The following FHIT variants were observed in gnomAD, a reference collection of about 807,000 sequenced individuals.
FHIT encodes fragile histidine triad diadenosine triphosphatase.
In FHIT, 19 loss-of-function variants were observed where a neutral mutation model predicts 17.9. The ratio of observed to expected loss-of-function variants is 1.06; its 90% confidence interval spans 0.74 to 1.56. FHIT has a LOEUF of 1.56. FHIT is among the 40% of genes most tolerant of loss of function. The pLI, the probability that FHIT is intolerant of heterozygous loss-of-function variation, is 0.00. For missense variants in FHIT, 248 were observed against 189.2 expected (o/e 1.31, Z -1.82); for synonymous variants, 81 against 69.7 (o/e 1.16, Z -0.81).
chr3:61,239,217 A>C (rs932288422), intron 1 of FHIT, among the ~76,000 whole-genome samples: 5 of 152,186 alleles, frequency 3.3e-5, no homozygotes, highest in Non-Finnish European at 7.3e-5. Flanking sequence ...CAGGAGCATT[A>C]CCCATGGGAA....
At chr3:61,201,147 G>A (rs147195593) in intron 1 of FHIT, among the ~76,000 whole-genome samples, 11 of 152,128 alleles carry the variant, frequency 7.2e-5, no homozygotes, top group African/African-American at 1.7e-4. Flanking sequence ...CACTTGCTCC[G>A]TAAGTATATG....
chr3:60,296,439 C>T (rs917168852), intron 5 of FHIT, among the ~76,000 whole-genome samples: 4 of 152,100 alleles, frequency 2.6e-5, no homozygotes, highest in African/African-American at 9.7e-5. Flanking sequence ...TGTAGAACAT[C>T]TTTTTGTGTG....
chr3:60,310,072 G>T (rs1385579105), intron 5 of FHIT, among the ~76,000 whole-genome samples: 1 of 152,026 alleles, frequency 6.6e-6, no homozygotes, highest in Non-Finnish European at 1.5e-5. Context: ...GAGCAGGCAG[G>T]CAAGAAAGCA....
rs1438666364 is a variant in FHIT, at chr3:60,677,425, G to GT, written c.-17-140447dup. Among the ~76,000 whole-genome samples the GT allele has an allele frequency of 3.9e-5, 6 of 152,196 alleles. No individual in the cohort carries two copies. The East Asian group carries it at 1.2e-3, about 29-fold the overall frequency. On this transcript the variant is annotated intron_variant, in intron 4 of 9. Transcript: ENST00000492590. The stretch of plus-strand genomic sequence containing the variant: ...ATGTGGTATTTCACTATGTTTCTGA[G>GT]TTTTTTCACTTAAGATAATGACCTC...
At chr3:59,783,277 T>G (rs964618995) in intron 8 of FHIT, among the ~76,000 whole-genome samples, 1 of 152,184 alleles carries the variant, frequency 6.6e-6, no homozygotes, top group Admixed American at 6.5e-5. Context: ...GAGACCATCC[T>G]GGCCAACATG....
intron 4 of FHIT, among the ~76,000 whole-genome samples, chr3:60,567,423 A>C (rs1260503454): frequency 3.3e-5 from 5 of 152,226 alleles, no homozygotes; most frequent in Non-Finnish European, 5.9e-5. Context: ...CTGAAACTGG[A>C]TCCCTTCCTT....
At chr3:59,768,610 G>A (rs1701918428) in intron 8 of FHIT, among the ~76,000 whole-genome samples, 1 of 152,098 alleles carries the variant, frequency 6.6e-6, no homozygotes, top group Non-Finnish European at 1.5e-5. Context: ...TCTTTTCTTT[G>A]ACTTCCCAGA....
chr3:61,089,978 T>C (rs2035429073), intron 2 of FHIT, among the ~76,000 whole-genome samples: 1 of 152,238 alleles, frequency 6.6e-6, no homozygotes. Flanking sequence ...CAGTGGTTCC[T>C]AAAAGCCAAT....
chr3:61,068,157 A>AAC (rs2034676684), intron 2 of FHIT, among the ~76,000 whole-genome samples: 1 of 152,214 alleles, frequency 6.6e-6, no homozygotes, highest in Non-Finnish European at 1.5e-5. Flanking sequence ...GGCTTAAAAC[A>AAC]ACACAAATTC....
intron 5 of FHIT, among the ~76,000 whole-genome samples, chr3:60,197,127 C>T (rs1188114340): frequency 6.6e-6 from 1 of 152,180 alleles, no homozygotes; most frequent in Non-Finnish European, 1.5e-5. Context: ...GCATACTTAA[C>T]ATGCATTTAA....
intron 5 of FHIT, among the ~76,000 whole-genome samples, chr3:60,081,643 A>G (rs1703288213): frequency 6.6e-6 from 1 of 152,198 alleles, no homozygotes; most frequent in Non-Finnish European, 1.5e-5. Flanking sequence ...AATGACAATA[A>G]TAAATGTAGG....
intron 5 of FHIT, among the ~76,000 whole-genome samples, chr3:60,495,159 G>A (rs1228695040): frequency 3.9e-5 from 6 of 151,978 alleles, no homozygotes; most frequent in South Asian, 2.1e-4. Context: ...TTGGATATAA[G>A]CCATTTTAAC....
At chr3:60,139,959 T>C (rs1699969486) in intron 5 of FHIT, among the ~76,000 whole-genome samples, 1 of 151,974 alleles carries the variant, frequency 6.6e-6, no homozygotes, top group Non-Finnish European at 1.5e-5. Context: ...CTGTCTCTAC[T>C]AAAAATACAA....
intron 5 of FHIT, among the ~76,000 whole-genome samples, chr3:60,447,670 A>G (rs185300295): frequency 6.6e-6 from 1 of 152,290 alleles, no homozygotes; most frequent in Non-Finnish European, 1.5e-5. Context: ...ATAATAAAAA[A>G]AATCACAAGA....
chr3:60,285,500 G>T lies in FHIT; in HGVS notation c.103+251360C>A, dbSNP rs183117702. ...CTTAATCTTCATAAAGCCTGTGATG[G>T]ATTTTTCACTTGTCTACTTGGCTAA... On this transcript the variant is annotated intron_variant, in intron 5 of 9. Transcript: ENST00000492590. Among the ~76,000 whole-genome samples the T allele has an allele frequency of 2.4e-3, 371 of 152,244 alleles. 3 individuals carry two copies. Among genetic ancestry groups the T allele is most frequent in the Non-Finnish European group, 3.9e-3 (264 of 68,020 alleles).
At chr3:59,788,881 G>GTTTTTTTTTTTTTTTTTTT (rs60361063) in intron 8 of FHIT, among the ~76,000 whole-genome samples, 27,635 of 86,686 alleles carry the variant, frequency 0.32, 9,303 homozygotes, top group East Asian at 0.41. Flanking sequence ...GAGTTCATAT[G>GTTTTTTTTTTTTTTTTTTT]TTTTTTTTTT....
At chr3:60,375,285 T>C (rs909447425) in intron 5 of FHIT, among the ~76,000 whole-genome samples, 1 of 151,918 alleles carries the variant, frequency 6.6e-6, no homozygotes, top group Non-Finnish European at 1.5e-5. Context: ...ATTGAAAGTA[T>C]AGCCTGGGTG....
intron 3 of FHIT, among the ~76,000 whole-genome samples, chr3:60,857,022 A>G (rs1553750180): frequency 2.0e-5 from 3 of 152,068 alleles, no homozygotes; most frequent in South Asian, 2.1e-4. Flanking sequence ...TATAATACTC[A>G]TCACACTTGT....
At chr3:60,110,282 G>T (rs1415791202) in intron 5 of FHIT, among the ~76,000 whole-genome samples, 1 of 152,184 alleles carries the variant, frequency 6.6e-6, no homozygotes, top group East Asian at 1.9e-4. Flanking sequence ...CTCTAAGCAG[G>T]GTAAGTGGGC....
Sources: allele counts gnomAD v4.1 joint callset (sites outside exome capture counted in the v4.1 genomes callset), GRCh38; gene constraint gnomAD v4.1.1; transcripts MANE v1.5; gene names NCBI Gene and HGNC (gene_info 2026-07-23, HGNC 2026-07-21).